The following TSPAN7 variants were observed in gnomAD, a reference collection of about 807,000 sequenced individuals.
TSPAN7 encodes tetraspanin-7.
In TSPAN7, 1 loss-of-function variant was observed where a neutral mutation model predicts 17.6. The observed-to-expected ratio is 0.06, with a 90% CI of 0.02 to 0.27. The LOEUF (loss-of-function observed/expected upper bound fraction) is 0.27. Ranked by LOEUF, TSPAN7 falls within the 10% of genes least tolerant of loss-of-function variation. TSPAN7 has a pLI of 1.00. For synonymous variants in TSPAN7, 78 were observed against 79.0 expected, an observed-to-expected ratio of 0.99 and a Z score of 0.07; for missense variants, 112 against 201.7, an observed-to-expected ratio of 0.56 and a Z score of 2.69.
At chrX:38,569,286 TA>T (rs1183437966) in intron 1 of TSPAN7, among the ~76,000 whole-genome samples, 2 of 111,242 alleles carry the variant, frequency 1.8e-5, no homozygotes, top group African/African-American at 6.5e-5. Context: ...AAGAATCTTC[TA>T]ATTGCTCTCT....
intron 5 of TSPAN7, among the ~76,000 whole-genome samples, chrX:38,679,252 G>T (rs142196869): frequency 8.9e-6 from 1 of 111,915 alleles, no homozygotes; most frequent in African/African-American, 3.2e-5. Flanking sequence ...TAAGAAAATA[G>T]CTCATTCTGC....
intron 1 of TSPAN7, among the ~76,000 whole-genome samples, chrX:38,567,145 A>G (rs1435419781): frequency 8.9e-6 from 1 of 111,863 alleles, no homozygotes; most frequent in African/African-American, 3.3e-5. Flanking sequence ...TAGAGGGAAA[A>G]GTCTTAAAGA....
intron 1 of TSPAN7, among the ~76,000 whole-genome samples, chrX:38,598,944 A>G (rs192648390): frequency 2.4e-4 from 27 of 112,360 alleles, no homozygotes; most frequent in Admixed American, 2.2e-3. Context: ...TAACAAAGGT[A>G]AAATAAATTA....
At chrX:38,636,019 T>G in intron 1 of TSPAN7, among the ~76,000 whole-genome samples, 1 of 111,862 alleles carries the variant, frequency 8.9e-6, no homozygotes, top group Non-Finnish European at 1.9e-5. Flanking sequence ...TTAAAAGTCC[T>G]TCTTTGTAGC....
chrX:38,565,138 T>C (rs1018263719), intron 1 of TSPAN7, among the ~76,000 whole-genome samples: 5 of 112,369 alleles, frequency 4.4e-5, no homozygotes, highest in African/African-American at 1.6e-4. Context: ...TAGAACTATG[T>C]CTGGCACATA....
intron 5 of TSPAN7, among the ~76,000 whole-genome samples, chrX:38,678,592 G>A (rs1331545039): frequency 1.8e-5 from 2 of 112,285 alleles, no homozygotes; most frequent in Non-Finnish European, 3.8e-5. Context: ...CTTGCAGTAT[G>A]TGGATCTGTG....
At position 38,660,411 on chromosome X, in the gene TSPAN7, A is replaced by C. The variant is rs942088244; in HGVS notation, c.82-5710A>C. On this transcript the variant is annotated intron_variant, in intron 1 of 7. Transcript: ENST00000378482. ...CTAATCAGGTCCCAACATTGTGCAA[A>C]GACTTCTCCTCCTCTTTGTCCCCTT... 5.4e-5 allele frequency among the ~76,000 whole-genome samples: 6 copies of C among 111,965 alleles called. No individual in the cohort carries two copies. The Admixed American group carries it at 5.7e-4, about 11-fold the overall frequency.
At chrX:38,683,111 A>G (rs1045155831) in intron 6 of TSPAN7, among the ~76,000 whole-genome samples, 1 of 112,083 alleles carries the variant, frequency 8.9e-6, no homozygotes, top group Admixed American at 9.5e-5. Context: ...GAGAGCCTCA[A>G]AGAACCTGGA....
chrX:38,604,778 C>T (rs1156908438), intron 1 of TSPAN7, among the ~76,000 whole-genome samples: 3 of 110,681 alleles, frequency 2.7e-5, no homozygotes, highest in Non-Finnish European at 3.8e-5. Context: ...TAAATGTAAT[C>T]CAGCATATAA....
At chrX:38,563,275 G>C in intron 1 of TSPAN7, 1 of 418,853 alleles carries the variant, frequency 2.4e-6, no homozygotes, top group South Asian at 3.7e-5. Flanking sequence ...TGTCTCAGTA[G>C]TGGAATTGTG....
intron 1 of TSPAN7, among the ~76,000 whole-genome samples, chrX:38,567,625 A>G (rs2069150267): frequency 8.9e-6 from 1 of 112,567 alleles, no homozygotes; most frequent in East Asian, 2.8e-4. Context: ...CTGAATGTCT[A>G]TTACATGTCA....
At chrX:38,562,355 A>G (rs111266794) in intron 1 of TSPAN7, among the ~76,000 whole-genome samples, 3,195 of 111,317 alleles carry the variant, frequency 0.029, 113 homozygotes, top group African/African-American at 0.1. Flanking sequence ...CTGTCACTGC[A>G]TGAGCACAAT....
chrX:38,681,210 T>C lies in TSPAN7; in HGVS notation c.604T>C (p.Tyr202His). 1 of 1,208,823 alleles carries C rather than the reference T, an allele frequency of 8.3e-7. No homozygotes were observed. Among genetic ancestry groups the C allele is most frequent in the Non-Finnish European group, 1.1e-6 (1 of 892,847 alleles). The change falls in exon 6 of 8, where the codon TAT (tyrosine) becomes CAT (histidine). Residue 202 changes from tyrosine (Y) to histidine (H), a missense_variant. Physicochemically the swap from Tyr to His is moderately conservative, Grantham distance 83 (BLOSUM62 2). Coordinates refer to ENST00000378482, the MANE Select transcript of TSPAN7 (RefSeq NM_004615.4). ...AGTGTCTTTCTCTTTCCAGGGTTGT[T>C]ATGATCTGGTAACTAGTTTCATGGA... Reference protein sequence around the residue: ...AATKVNQKGCYDLVTSFMETN... With the variant: ...AATKVNQKGCHDLVTSFMETN...
chrX:38,656,224 C>A (rs946542633), intron 1 of TSPAN7: 20 of 186,406 alleles, frequency 1.1e-4, no homozygotes, highest in Non-Finnish European at 6.2e-5. Flanking sequence ...CCACATGACT[C>A]TTAAAATCTT....
chrX:38,645,207 A>G (rs1435395216), intron 1 of TSPAN7, among the ~76,000 whole-genome samples: 1 of 112,468 alleles, frequency 8.9e-6, no homozygotes, highest in East Asian at 2.8e-4. Context: ...GAGTAGGGAC[A>G]GGGGCAGCCT....
At chrX:38,679,322 G>T (rs895233767) in intron 5 of TSPAN7, among the ~76,000 whole-genome samples, 3 of 111,907 alleles carry the variant, frequency 2.7e-5, no homozygotes, top group African/African-American at 9.8e-5. Flanking sequence ...CATAACACTG[G>T]TGCTGATCTG....
At chrX:38,615,254 T>A (rs937674220) in intron 1 of TSPAN7, among the ~76,000 whole-genome samples, 3 of 111,828 alleles carry the variant, frequency 2.7e-5, no homozygotes, top group African/African-American at 9.8e-5. Context: ...AAGATTCTGT[T>A]TATATTCTTT....
chrX:38,562,522 C>G (rs947617848), intron 1 of TSPAN7, among the ~76,000 whole-genome samples: 2 of 102,816 alleles, frequency 1.9e-5, no homozygotes, highest in African/African-American at 7.3e-5. Flanking sequence ...GCGTGGTGCA[C>G]CTCGCGGAGG....
intron 1 of TSPAN7, among the ~76,000 whole-genome samples, chrX:38,586,803 A>G (rs907288534): frequency 2.7e-5 from 3 of 111,907 alleles, no homozygotes; most frequent in Non-Finnish European, 5.6e-5. Flanking sequence ...TGTACTTGAG[A>G]TGTTTCCAGA....
Sources: gnomAD v4.1 joint callset for allele counts (sites outside exome capture counted in the v4.1 genomes callset) on GRCh38, gnomAD v4.1.1 for gene constraint, MANE v1.5 for transcripts, NCBI Gene and HGNC (gene_info 2026-07-23, HGNC 2026-07-21) for gene names.